RAD21L1: variants seen among roughly 807,000 people sequenced by gnomAD.
RAD21L1 encodes the protein RAD21 cohesin complex component like 1, also known as double-strand-break repair protein rad21-like protein 1.
A neutral mutation model predicts 69.0 loss-of-function variants in RAD21L1; 47 were observed. The observed-to-expected ratio is 0.68, with a 90% CI of 0.54 to 0.87. RAD21L1 has a LOEUF of 0.87. RAD21L1 is among the 40% of genes least tolerant of loss of function. RAD21L1 has a pLI of 0.00. For synonymous variants in RAD21L1, 177 were observed against 205.8 expected (o/e 0.86, Z 1.20); for missense variants, 583 against 647.6 (o/e 0.90, Z 1.08).
At chr20:1,232,922 C>A (rs953934165) in intron 4 of RAD21L1, among the ~76,000 whole-genome samples, 1 of 152,130 alleles carries the variant, frequency 6.6e-6, no homozygotes, top group African/African-American at 2.4e-5. Context: ...GCTCCACCAT[C>A]ATAAGTGAGA....
At chr20:1,236,199 C>T (rs1351593133) in intron 5 of RAD21L1, among the ~76,000 whole-genome samples, 1 of 152,130 alleles carries the variant, frequency 6.6e-6, no homozygotes, top group Admixed American at 6.6e-5. Flanking sequence ...TATAGTTCAC[C>T]AGTACCAAAG....
intron 2 of RAD21L1, among the ~76,000 whole-genome samples, chr20:1,228,838 G>A (rs2087323016): frequency 6.6e-6 from 1 of 152,160 alleles, no homozygotes; most frequent in African/African-American, 2.4e-5. Context: ...CATATTTTAT[G>A]CGTATTCATA....
intron 11 of RAD21L1, among the ~76,000 whole-genome samples, chr20:1,245,351 A>G (rs528942343): frequency 1.3e-5 from 2 of 152,220 alleles, no homozygotes; most frequent in African/African-American, 2.4e-5. Context: ...ATTTTTATAT[A>G]CCATACCTGC....
chr20:1,236,194 T>A (rs532983169), intron 5 of RAD21L1, among the ~76,000 whole-genome samples: 1 of 152,320 alleles, frequency 6.6e-6, no homozygotes, highest in East Asian at 1.9e-4. Context: ...AGTGATATAG[T>A]TCACCAGTAC....
chr20:1,226,915 A>C (rs1568512708), intron 1 of RAD21L1, among the ~76,000 whole-genome samples: 1 of 152,152 alleles, frequency 6.6e-6, no homozygotes, highest in Non-Finnish European at 1.5e-5. Flanking sequence ...TAAAAAGTAC[A>C]TTTGATTTTT....
At chr20:1,240,497 T>A in intron 8 of RAD21L1, 63 bp downstream of exon 8, 2 of 1,490,558 alleles carry the variant, frequency 1.3e-6, no homozygotes, top group East Asian at 2.6e-5. Context: ...TACTTTGAGA[T>A]GTTTGAATAA....
Position 1,254,474 on chromosome 20 carries a change from C to T in RAD21L1, c.*17C>T. The stretch of plus-strand genomic sequence containing the variant: ...AACATATGAAGGAAACCCAGACATA[C>T]AGATTTATGGCATCACTGGAATTTC... On this transcript the variant is annotated 3_prime_UTR_variant, in exon 14 of 14. Coordinates refer to ENST00000683101, the MANE Select transcript of RAD21L1 (RefSeq NM_001384355.1). 1.4e-6 allele frequency: 2 copies of T among 1,458,396 alleles called. No individual in the cohort carries two copies. The highest frequency in any genetic ancestry group is 1.8e-6 in the Non-Finnish European group (2 of 1,090,220). The allele number at this position is 1,458,396 out of a possible 1,614,324, so 90.3% of individuals were successfully genotyped here.
chr20:1,246,648 G>T lies in RAD21L1; in HGVS notation c.1401+343G>T, dbSNP rs1227758617. On this transcript the variant is annotated intron_variant, in intron 12 of 13. Transcript: ENST00000683101. This position sits in a 1 kb window ranked among gnomAD's most constrained non-coding sequence, Gnocchi z 4.6. ...CTCTAAAGAAACAGAACTATATTAA[G>T]AGTATGGCCTAGGGCATTTGAAATT... Among the ~76,000 whole-genome samples, 1 of 152,116 alleles carries T rather than the reference G, an allele frequency of 6.6e-6. No individual in the cohort carries two copies. The highest frequency in any genetic ancestry group is 2.4e-5 in the African/African-American group (1 of 41,422).
At chr20:1,242,576 A>G in intron 8 of RAD21L1, 43 bp from the exon 9 acceptor site, 1 of 1,413,916 alleles carries the variant, frequency 7.1e-7, no homozygotes, top group Non-Finnish European at 9.8e-7. Context: ...TGATTTTAGA[A>G]AGCTGTATAA....
intron 5 of RAD21L1, among the ~76,000 whole-genome samples, chr20:1,235,841 C>T (rs1251860036): frequency 6.6e-6 from 1 of 151,936 alleles, no homozygotes; most frequent in African/African-American, 2.4e-5. Context: ...GATCTCGGCT[C>T]ACTGCAACCT....
intron 12 of RAD21L1, among the ~76,000 whole-genome samples, chr20:1,247,278 G>C (rs1034858607): frequency 6.6e-6 from 1 of 152,200 alleles, no homozygotes; most frequent in African/African-American, 2.4e-5. Flanking sequence ...GATAGATCAA[G>C]TGGACAGGCT....
At chr20:1,235,562 T>A (rs998083164) in intron 5 of RAD21L1, among the ~76,000 whole-genome samples, 1 of 152,244 alleles carries the variant, frequency 6.6e-6, no homozygotes, top group African/African-American at 2.4e-5. Flanking sequence ...TAAAACTTTC[T>A]GAAAATGTGC....
chr20:1,229,848 T>C, intron 2 of RAD21L1, 32 bp from the exon 3 acceptor site: 2 of 1,477,036 alleles, frequency 1.4e-6, no homozygotes, highest in Non-Finnish European at 1.8e-6. Context: ...ACCTAATCTT[T>C]ACTCTTCTAA....
In RAD21L1 at chr20:1,255,000, G is replaced by A. The variant is rs2087907822; in HGVS notation, c.*543G>A. Among the ~76,000 whole-genome samples, 2 of 151,952 alleles carry A rather than the reference G, an allele frequency of 1.3e-5. No individual in the cohort carries two copies. The highest frequency in any genetic ancestry group is 2.9e-5 in the Non-Finnish European group (2 of 67,984). On this transcript the variant is annotated 3_prime_UTR_variant, in exon 14 of 14. Transcript: ENST00000683101. ...TGGAGTATTTACTTGAATTTTATGG[G>A]GTTAATGAAAACATCATTATTTCTA... is the stretch of plus-strand genomic sequence containing the variant.
chr20:1,239,665 A>G (rs2087567204), intron 7 of RAD21L1, among the ~76,000 whole-genome samples: 1 of 152,212 alleles, frequency 6.6e-6, no homozygotes, highest in South Asian at 2.1e-4. Context: ...TTAAAATAGT[A>G]TATGGTAAAT....
chr20:1,237,197 G>C (rs17779339), intron 5 of RAD21L1, among the ~76,000 whole-genome samples: 8 of 152,044 alleles, frequency 5.3e-5, no homozygotes, highest in Non-Finnish European at 8.8e-5. Context: ...TGGACCTCTG[G>C]GGTTTCAGAC....
At position 1,237,675 on chromosome 20, in the gene RAD21L1, A is replaced by G. The variant is rs535888592; in HGVS notation, c.476-369A>G. Among the ~76,000 whole-genome samples, 174 of 152,254 alleles carry G rather than the reference A, an allele frequency of 1.1e-3. 1 individual carries two copies. The highest frequency in any genetic ancestry group is 1.4e-3 in the Non-Finnish European group (98 of 68,014). On this transcript the variant is annotated intron_variant, in intron 5 of 13. Coordinates refer to ENST00000683101, the MANE Select transcript of RAD21L1 (RefSeq NM_001384355.1). Reference sequence around the variant, plus strand: ...CAAACCTCCACTATGCATGAACACTACAAGCAATTGTCCTTGAAATACTAT... The same window carrying G: ...CAAACCTCCACTATGCATGAACACTGCAAGCAATTGTCCTTGAAATACTAT...
At chr20:1,239,836 A>T (rs550632542) in intron 7 of RAD21L1, among the ~76,000 whole-genome samples, 9 of 152,370 alleles carry the variant, frequency 5.9e-5, no homozygotes, top group African/African-American at 2.2e-4. Flanking sequence ...AAGTACAATT[A>T]GCCCCATTTT....
chr20:1,244,193 T>TA (rs1171698154), intron 11 of RAD21L1, 23 bp downstream of exon 11: 17 of 1,475,852 alleles, frequency 1.2e-5, no homozygotes, highest in Admixed American at 2.2e-5. Flanking sequence ...GAGAGAATCG[T>TA]AAAAATATTT....
Sources: gnomAD v4.1 joint callset for allele counts (sites outside exome capture counted in the v4.1 genomes callset) on GRCh38, gnomAD v4.1.1 for gene constraint, Gnocchi (gnomAD v3.1) non-coding constraint, MANE v1.5 for transcripts, NCBI Gene and HGNC (gene_info 2026-07-23, HGNC 2026-07-21) for gene names.